The following SLC9C1 variants were observed in gnomAD, a reference collection of about 807,000 sequenced individuals.
The protein encoded by SLC9C1 is sodium/hydrogen exchanger 10.
Under a neutral mutation model 140.9 loss-of-function variants are expected in SLC9C1, and 97 were observed. That is an observed-to-expected ratio of 0.69 (90% CI 0.58 to 0.82). SLC9C1 has a LOEUF of 0.82. Among genes scored for constraint, SLC9C1 ranks in the 40% least tolerant of loss-of-function variants. SLC9C1 has a pLI of 0.00. For missense variants in SLC9C1, 1,340 were observed against 1,389.3 expected (o/e 0.96, Z 0.56); for synonymous variants, 440 against 442.6 (o/e 0.99, Z 0.07).
intron 12 of SLC9C1, among the ~76,000 whole-genome samples, chr3:112,236,043 G>A (rs6795374): frequency 0.59 from 89,868 of 151,934 alleles, 27,095 homozygotes; most frequent in East Asian, 0.79. Context: ...CAGAAGGAAT[G>A]GTACCAGCTC....
intron 23 of SLC9C1, among the ~76,000 whole-genome samples, chr3:112,173,282 T>C (rs1160837214): frequency 1.3e-5 from 2 of 152,198 alleles, no homozygotes; most frequent in Non-Finnish European, 2.9e-5. Context: ...CTTTTTAAAA[T>C]TTTTTCATTT....
At chr3:112,211,655 G>A (rs1361918534) in intron 15 of SLC9C1, among the ~76,000 whole-genome samples, 1 of 152,206 alleles carries the variant, frequency 6.6e-6, no homozygotes, top group Non-Finnish European at 1.5e-5. Context: ...AGCAAGGCTG[G>A]GGGAGGGGCG....
intron 1 of SLC9C1, among the ~76,000 whole-genome samples, chr3:112,289,978 A>C (rs529970904): frequency 2.6e-5 from 4 of 152,294 alleles, no homozygotes; most frequent in Non-Finnish European, 5.9e-5. Context: ...CAGCTTGAGT[A>C]CTGGGAACTC....
At chr3:112,231,286 G>T (rs887806612) in intron 13 of SLC9C1, 75 bp downstream of exon 13, 4 of 1,551,714 alleles carry the variant, frequency 2.6e-6, no homozygotes, top group African/African-American at 1.4e-5. Flanking sequence ...GCATGATCAA[G>T]ATGTCTTTAT....
intron 10 of SLC9C1, among the ~76,000 whole-genome samples, chr3:112,261,520 T>G (rs1312947606): frequency 6.6e-6 from 1 of 152,034 alleles, no homozygotes; most frequent in Non-Finnish European, 1.5e-5. Flanking sequence ...GAGACAGAAT[T>G]AAAAAGGCAA....
At chr3:112,219,183 G>T (rs1311442747) in intron 14 of SLC9C1, among the ~76,000 whole-genome samples, 7 of 152,040 alleles carry the variant, frequency 4.6e-5, no homozygotes, top group Non-Finnish European at 1.0e-4. Flanking sequence ...CATAGGTCCT[G>T]GTGCTCCTGT....
intron 7 of SLC9C1, among the ~76,000 whole-genome samples, chr3:112,266,857 T>C (rs4580518): frequency 0.59 from 90,022 of 152,120 alleles, 27,170 homozygotes; most frequent in East Asian, 0.79. Context: ...TCTTGTGTTA[T>C]AACAGTTGTA....
At chr3:112,195,436 T>C (rs1444444099) in intron 20 of SLC9C1, among the ~76,000 whole-genome samples, 3 of 152,168 alleles carry the variant, frequency 2.0e-5, no homozygotes, top group Non-Finnish European at 4.4e-5. Context: ...GTTTAATCCC[T>C]TTACATTTAA....
intron 15 of SLC9C1, among the ~76,000 whole-genome samples, chr3:112,215,397 T>A (rs2078331672): frequency 6.6e-6 from 1 of 152,104 alleles, no homozygotes; most frequent in African/African-American, 2.4e-5. Context: ...GGTAGTCAAT[T>A]AGGAAAAGAG....
chr3:112,284,997 T>TTTTC (rs2080465913), intron 2 of SLC9C1, among the ~76,000 whole-genome samples: 1 of 141,824 alleles, frequency 7.1e-6, no homozygotes, highest in Non-Finnish European at 1.5e-5. Flanking sequence ...TTTTTTTTTT[T>TTTTC]TTTTTTTGAG....
chr3:112,195,271 T>TAAGA (rs2077745283), intron 20 of SLC9C1, among the ~76,000 whole-genome samples: 1 of 152,162 alleles, frequency 6.6e-6, no homozygotes, highest in Non-Finnish European at 1.5e-5. Flanking sequence ...TACATAAAGG[T>TAAGA]CATGGGTCTA....
chr3:112,254,919 C>G (rs1385023941), intron 10 of SLC9C1, among the ~76,000 whole-genome samples: 1 of 151,884 alleles, frequency 6.6e-6, no homozygotes, highest in African/African-American at 2.4e-5. Context: ...AAAAAAAAAG[C>G]AGGAGTTAAA....
rs1435813653 is a variant in SLC9C1 at position 112,269,985 on chromosome 3, T to C, written c.706A>G (p.Thr236Ala). The change falls in exon 7 of 29, where the codon ACT (threonine) becomes GCT (alanine). Residue 236 changes from threonine to alanine, a missense_variant. Physicochemically the swap from Thr to Ala is moderately conservative, Grantham distance 58. Transcript: ENST00000305815. The part of the protein sequence containing the change: ...SSKLIQFWMS[T>A]VFGDDVNHIS... Reference sequence around the variant, plus strand: ...TGATTGACATCATCACCAAAAACAGTTGACATCCAAAATTGAATCAGTTTT... The same window carrying C: ...TGATTGACATCATCACCAAAAACAGCTGACATCCAAAATTGAATCAGTTTT... 4 of 1,600,978 alleles carry C rather than the reference T, an allele frequency of 2.5e-6. No homozygotes were observed. In the African/African-American group the frequency reaches 5.4e-5, roughly 22 times the overall value.
chr3:112,255,761 A>C lies in SLC9C1; in HGVS notation c.1197+7163T>G, dbSNP rs182692395. On this transcript the variant is annotated intron_variant, in intron 10 of 28. Coordinates refer to ENST00000305815, the MANE Select transcript of SLC9C1 (RefSeq NM_183061.3). Reference sequence around the variant, plus strand: ...GAACCGAGGAGATCAAAACACACACAAAAAATCATTCAAAAGATCAATGGA... The same window carrying C: ...GAACCGAGGAGATCAAAACACACACCAAAAATCATTCAAAAGATCAATGGA... Among the ~76,000 whole-genome samples, 259 of 152,260 alleles carry C rather than the reference A, an allele frequency of 1.7e-3. 2 individuals are homozygous for C. In the Middle Eastern group the frequency reaches 0.027, roughly 16 times the overall value.
chr3:112,146,185 T>C (rs2074790125), intron 28 of SLC9C1, among the ~76,000 whole-genome samples: 1 of 152,132 alleles, frequency 6.6e-6, no homozygotes, highest in South Asian at 2.1e-4. Flanking sequence ...TCATTTCTGA[T>C]TGTGTGTATT....
intron 17 of SLC9C1, 97 bp downstream of exon 17, chr3:112,204,121 G>T (rs1438340007): frequency 1.4e-5 from 18 of 1,247,586 alleles, no homozygotes; most frequent in Non-Finnish European, 1.9e-5. Flanking sequence ...TAACCCAACA[G>T]AATATGTTAA....
intron 12 of SLC9C1, among the ~76,000 whole-genome samples, chr3:112,235,595 G>C (rs2078961607): frequency 6.6e-6 from 1 of 151,740 alleles, no homozygotes; most frequent in South Asian, 2.1e-4. Flanking sequence ...CATTCAGTAT[G>C]ATATTGGCTG....
chr3:112,259,669 G>A (rs62276973), intron 10 of SLC9C1, among the ~76,000 whole-genome samples: 30,423 of 151,896 alleles, frequency 0.2, 3,413 homozygotes, highest in Middle Eastern at 0.26. Flanking sequence ...AATATCTATC[G>A]GGTACTATGT....
chr3:112,170,279 G>A (rs1419281415), intron 23 of SLC9C1, among the ~76,000 whole-genome samples: 4 of 152,156 alleles, frequency 2.6e-5, no homozygotes, highest in African/African-American at 9.7e-5. Flanking sequence ...TCTGACAATG[G>A]ACCAATGTCC....
Sources: gnomAD v4.1 joint callset for allele counts (sites outside exome capture counted in the v4.1 genomes callset) on GRCh38, gnomAD v4.1.1 for gene constraint, MANE v1.5 for transcripts, NCBI Gene and HGNC (gene_info 2026-07-23, HGNC 2026-07-21) for gene names.